The following RPS6KA2 variants were observed in gnomAD, a reference collection of about 807,000 sequenced individuals.
RPS6KA2 encodes the protein ribosomal protein S6 kinase A2, also known as ribosomal protein S6 kinase alpha-2.
A neutral mutation model predicts 91.8 loss-of-function variants in RPS6KA2; 42 were observed. The ratio of observed to expected loss-of-function variants is 0.46; its 90% confidence interval spans 0.36 to 0.59. The LOEUF is 0.59. Among genes scored for constraint, RPS6KA2 ranks in the 20% least tolerant of loss-of-function variants. The pLI is 0.00. For synonymous variants in RPS6KA2, 414 were observed against 393.6 expected (o/e 1.05, Z -0.61); for missense variants, 798 against 978.5 (o/e 0.82, Z 2.46).
intron 3 of RPS6KA2, among the ~76,000 whole-genome samples, chr6:166,514,438 C>T (rs183480183): frequency 8.8e-4 from 134 of 152,256 alleles, no homozygotes; most frequent in Non-Finnish European, 7.8e-4. Context: ...AGGGGCTAAG[C>T]CTTACAGGGG....
chr6:166,615,679 G>A (rs1030261441), intron 1 of RPS6KA2, among the ~76,000 whole-genome samples: 19 of 152,218 alleles, frequency 1.2e-4, no homozygotes, highest in African/African-American at 4.6e-4. Context: ...CTGGGTGCAG[G>A]TGCTGGAATG....
At chr6:166,558,487 A>G (rs56129294) in intron 1 of RPS6KA2, among the ~76,000 whole-genome samples, 14,751 of 152,146 alleles carry the variant, frequency 0.097, 1,235 homozygotes, top group African/African-American at 0.22. Flanking sequence ...GGTTAACTAA[A>G]TATCTGTGCA....
At chr6:166,675,509 A>G (rs1357820960) in intron 2 of RPS6KA2, among the ~76,000 whole-genome samples, 2 of 152,160 alleles carry the variant, frequency 1.3e-5, no homozygotes, top group East Asian at 1.9e-4. Context: ...AAGGCCCTGG[A>G]AAATCCCCTC....
intron 2 of RPS6KA2, among the ~76,000 whole-genome samples, chr6:166,837,424 A>G (rs9457226): frequency 0.91 from 139,131 of 152,212 alleles, 64,191 homozygotes; most frequent in Middle Eastern, 0.98. Flanking sequence ...TCTTCCCCGA[A>G]GCAGGGCCTT....
chr6:166,737,688 T>C lies in RPS6KA2; in HGVS notation c.123+120512A>G, dbSNP rs1283146917. On this transcript the variant is annotated intron_variant, in intron 2 of 21. Coordinates refer to the RPS6KA2 transcript ENST00000503859. The surrounding 1 kb of genome is among the most constrained non-coding windows in gnomAD (Gnocchi z 4.3). ...CGTCCGGATAATCCCCCCAGGTACCTGGGCCATGGATCTAACTCCTGTGAT... is the reference window on the plus strand; with the variant it reads ...CGTCCGGATAATCCCCCCAGGTACCCGGGCCATGGATCTAACTCCTGTGAT... 6.6e-6 allele frequency among the ~76,000 whole-genome samples: 1 copy of C among 152,130 alleles called. No homozygotes were observed. Among genetic ancestry groups the C allele is most frequent in the Non-Finnish European group, 1.5e-5 (1 of 68,006 alleles).
intron 2 of RPS6KA2, among the ~76,000 whole-genome samples, chr6:166,734,031 G>A (rs987212174): frequency 1.3e-5 from 2 of 152,168 alleles, no homozygotes; most frequent in South Asian, 4.1e-4. Context: ...TAAGAGGGAG[G>A]CAGGAAGTTG....
intron 3 of RPS6KA2, among the ~76,000 whole-genome samples, chr6:166,515,864 T>C (rs1051474769): frequency 1.3e-5 from 2 of 152,196 alleles, no homozygotes; most frequent in Non-Finnish European, 2.9e-5. Flanking sequence ...GATTGCCTCC[T>C]TTGGAGAGGC....
In RPS6KA2 at chr6:166,567,945, C is replaced by A. The variant is rs528560528; in HGVS notation, c.100-29161G>T. 3.3e-5 allele frequency among the ~76,000 whole-genome samples: 5 copies of A among 152,322 alleles called. No homozygotes were observed. In the South Asian group the frequency reaches 1.0e-3, roughly 32 times the overall value. The stretch of plus-strand genomic sequence containing the variant: ...GCTCACCTGGGGAAAGAGCACACCA[C>A]CAAAGTCCAAGGGCACGCCAGTGCA... On this transcript the variant is annotated intron_variant, in intron 1 of 20. Transcript: ENST00000265678.
At chr6:166,561,750 ACAC>A (rs1784351448) in intron 1 of RPS6KA2, among the ~76,000 whole-genome samples, 1 of 152,058 alleles carries the variant, frequency 6.6e-6, no homozygotes, top group Non-Finnish European at 1.5e-5. Context: ...TTCCTGGGCC[ACAC>A]TGGAAGAAGA....
intron 2 of RPS6KA2, among the ~76,000 whole-genome samples, chr6:166,763,344 T>C (rs1198844050): frequency 1.3e-5 from 2 of 152,376 alleles, no homozygotes; most frequent in South Asian, 2.1e-4. Context: ...GTCTGCATCA[T>C]AGAATCACAG....
At chr6:166,669,271 G>A (rs982531160) in intron 2 of RPS6KA2, among the ~76,000 whole-genome samples, 27 of 152,078 alleles carry the variant, frequency 1.8e-4, no homozygotes, top group African/African-American at 5.1e-4. Context: ...TCCTTCCCCC[G>A]GGCTGCCTGT....
At chr6:166,756,537 G>T (rs1357909164) in intron 2 of RPS6KA2, among the ~76,000 whole-genome samples, 1 of 152,184 alleles carries the variant, frequency 6.6e-6, no homozygotes, top group Non-Finnish European at 1.5e-5. Context: ...AACACGTTTG[G>T]GTTAACTCAC....
intron 11 of RPS6KA2, among the ~76,000 whole-genome samples, chr6:166,467,268 G>A (rs909559014): frequency 6.6e-6 from 1 of 152,250 alleles, no homozygotes; most frequent in African/African-American, 2.4e-5. Flanking sequence ...ACTCAGTAGG[G>A]ATTCATAAAG....
intron 10 of RPS6KA2, 95 bp downstream of exon 10, chr6:166,488,738 G>T: frequency 2.2e-6 from 2 of 909,378 alleles, no homozygotes; most frequent in Non-Finnish European, 3.5e-6. Context: ...GTTGGCATTG[G>T]GCCGGAGCAG....
chr6:166,853,236 C>G (rs141865310), intron 2 of RPS6KA2, among the ~76,000 whole-genome samples: 2 of 152,122 alleles, frequency 1.3e-5, no homozygotes, highest in African/African-American at 4.8e-5. Context: ...TTCAGGGGCT[C>G]GAGACCAGCC....
chr6:166,704,679 C>T (rs1789625635), intron 2 of RPS6KA2, among the ~76,000 whole-genome samples: 1 of 152,194 alleles, frequency 6.6e-6, no homozygotes, highest in Non-Finnish European at 1.5e-5. Context: ...TCTCCTGGAT[C>T]TTCACGCAAA....
chr6:166,555,487 C>CT (rs1216759479), intron 1 of RPS6KA2, among the ~76,000 whole-genome samples: 3 of 152,158 alleles, frequency 2.0e-5, no homozygotes, highest in Admixed American at 6.5e-5. Context: ...CGAAGTCACC[C>CT]TGTACTCTTC....
chr6:166,646,324 T>C (rs1234830924), intron 2 of RPS6KA2, among the ~76,000 whole-genome samples: 1 of 152,152 alleles, frequency 6.6e-6, no homozygotes, highest in East Asian at 1.9e-4. Context: ...GGGACCCCCC[T>C]GGACCCACAC....
chr6:166,546,863 T>G (rs1783844309), intron 1 of RPS6KA2, among the ~76,000 whole-genome samples: 1 of 152,224 alleles, frequency 6.6e-6, no homozygotes, highest in African/African-American at 2.4e-5. Flanking sequence ...CTGAGTCAAC[T>G]AGGATGTAAA....
Sources: allele counts gnomAD v4.1 joint callset (sites outside exome capture counted in the v4.1 genomes callset), GRCh38; gene constraint gnomAD v4.1.1; non-coding constraint Gnocchi (gnomAD v3.1); transcripts MANE v1.5; gene names NCBI Gene and HGNC (gene_info 2026-07-23, HGNC 2026-07-21).